PAX5: variants seen among roughly 807,000 people sequenced by gnomAD.
PAX5 encodes the protein paired box protein Pax-5.
A neutral mutation model predicts 43.7 loss-of-function variants in PAX5; 9 were observed. The ratio of observed to expected loss-of-function variants is 0.21; its 90% CI spans 0.12 to 0.36. The LOEUF (loss-of-function observed/expected upper bound fraction) is 0.36, where lower values mean the gene tolerates loss of function less well. Among genes scored for constraint, PAX5 ranks in the 10% least tolerant of loss-of-function variants. PAX5 has a pLI of 1.00. For missense variants in PAX5, 383 were observed against 532.7 expected, an observed-to-expected ratio of 0.72 and a Z score of 2.77; for synonymous variants, 228 against 214.3, an observed-to-expected ratio of 1.06 and a Z score of -0.56.
At chr9:36,906,325 G>A (rs1828820793) in intron 7 of PAX5, among the ~76,000 whole-genome samples, 1 of 152,186 alleles carries the variant, frequency 6.6e-6, no homozygotes, top group Non-Finnish European at 1.5e-5. Context: ...AGAAACAGGG[G>A]CAAGGGGGTC....
chr9:36,996,571 T>C (rs1283573240), intron 5 of PAX5, among the ~76,000 whole-genome samples: 1 of 152,164 alleles, frequency 6.6e-6, no homozygotes, highest in Non-Finnish European at 1.5e-5. Flanking sequence ...CTGAGAGGGC[T>C]CTCCCCACTT....
At chr9:37,026,754 C>G (rs1405719473) in intron 1 of PAX5, 2 of 982,330 alleles carry the variant, frequency 2.0e-6, no homozygotes, top group African/African-American at 3.5e-5. Context: ...CCCGGAGCTG[C>G]GCGGAGAGGC....
chr9:36,843,122 G>A (rs1420259111), intron 9 of PAX5, among the ~76,000 whole-genome samples: 3 of 151,766 alleles, frequency 2.0e-5, no homozygotes, highest in Non-Finnish European at 2.9e-5. Flanking sequence ...ATGAGTGTGA[G>A]CGTGCGTCTG....
intron 8 of PAX5, among the ~76,000 whole-genome samples, chr9:36,856,193 C>G (rs1282396716): frequency 6.6e-6 from 1 of 152,256 alleles, no homozygotes; most frequent in East Asian, 1.9e-4. Flanking sequence ...AGCAGATGTT[C>G]CTTGAGCCAG....
At chr9:36,959,034 C>A (rs1342168998) in intron 6 of PAX5, among the ~76,000 whole-genome samples, 4 of 152,190 alleles carry the variant, frequency 2.6e-5, no homozygotes, top group Admixed American at 2.6e-4. Flanking sequence ...CAGTCCCCAC[C>A]CCTTTGCTGC....
At chr9:36,901,884 G>A (rs1292823802) in intron 7 of PAX5, among the ~76,000 whole-genome samples, 1 of 152,174 alleles carries the variant, frequency 6.6e-6, no homozygotes, top group Non-Finnish European at 1.5e-5. Flanking sequence ...AAATCACTTA[G>A]TAAACTGTAG....
At chr9:36,933,999 C>T (rs564679280) in intron 6 of PAX5, among the ~76,000 whole-genome samples, 1 of 152,282 alleles carries the variant, frequency 6.6e-6, no homozygotes, top group East Asian at 1.9e-4. Context: ...GATATGGCCC[C>T]AGGAAGGGCT....
rs570811206 is a variant in PAX5, at chr9:36,977,526, T to C, written c.605-10802A>G. Among the ~76,000 whole-genome samples the C allele has an allele frequency of 2.0e-5, 3 of 152,094 alleles. No individual in the cohort carries two copies. The South Asian group carries it at 6.3e-4, about 32-fold the overall frequency. ...TTTTGTTTGTTTTTTTTGGGGTTTT[T>C]TTGTTTTGTTTTGTTTTTGTGAGAT... On this transcript the variant is annotated intron_variant, in intron 5 of 9. Coordinates refer to ENST00000358127, the MANE Select transcript of PAX5 (RefSeq NM_016734.3).
chr9:37,014,471 T>G (rs1417995076), intron 3 of PAX5, among the ~76,000 whole-genome samples: 1 of 152,156 alleles, frequency 6.6e-6, no homozygotes, highest in Non-Finnish European at 1.5e-5. Context: ...TTTGTCAAGG[T>G]CCCACTTTGA....
At chr9:36,866,728 A>C (rs1824923630) in intron 8 of PAX5, among the ~76,000 whole-genome samples, 1 of 152,132 alleles carries the variant, frequency 6.6e-6, no homozygotes, top group Non-Finnish European at 1.5e-5. Flanking sequence ...TCCCCCTCTG[A>C]CTTGCCATAT....
chr9:36,961,419 G>C (rs185523317), intron 6 of PAX5, among the ~76,000 whole-genome samples: 82 of 152,378 alleles, frequency 5.4e-4, no homozygotes, highest in Middle Eastern at 3.4e-3. Flanking sequence ...CCAATGGGAG[G>C]GAGGGCCCTG....
intron 6 of PAX5, among the ~76,000 whole-genome samples, chr9:36,958,023 G>A (rs925524999): frequency 1.3e-5 from 2 of 152,116 alleles, no homozygotes; most frequent in Non-Finnish European, 2.9e-5. Context: ...GCATCAAGTT[G>A]GAAAATCTAA....
rs762699989 is a variant in PAX5 at position 36,923,380 on chromosome 9, G to T, written c.885C>A (p.Gly295=). 54 of 1,612,882 alleles carry T rather than the reference G, an allele frequency of 3.3e-5. No individual in the cohort carries two copies. The highest frequency in any genetic ancestry group is 4.5e-5 in the Non-Finnish European group (53 of 1,179,978). ...TPADIGSSVP[G]PQSYPIVTGR... ...CTGTCACAATGGGGTAGGACTGCGG[G>T]CCTGGCACACTGCTCCCGATGTCAG... Residue 295 remains glycine, a synonymous_variant, in exon 7 of 10, where the codon GGC becomes GGA. Transcript: ENST00000358127.
At chr9:36,987,869 G>T (rs1836574049) in intron 5 of PAX5, among the ~76,000 whole-genome samples, 1 of 152,232 alleles carries the variant, frequency 6.6e-6, no homozygotes, top group Non-Finnish European at 1.5e-5. Flanking sequence ...AGGGAGGTAC[G>T]CAGGTTCTTA....
chr9:37,033,781 A>AAAACACAGAC, intron 1 of PAX5, among the ~76,000 whole-genome samples: 1 of 152,246 alleles, frequency 6.6e-6, no homozygotes, highest in Admixed American at 6.5e-5. Context: ...GAAACAGAGA[A>AAAACACAGAC]AAACACAGAC....
intron 6 of PAX5, among the ~76,000 whole-genome samples, chr9:36,950,542 C>T (rs1431129056): frequency 6.6e-6 from 1 of 152,120 alleles, no homozygotes; most frequent in Non-Finnish European, 1.5e-5. Flanking sequence ...ACAGAAGATT[C>T]CCAGCCCAAT....
At chr9:36,925,582 G>A (rs924457826) in intron 6 of PAX5, among the ~76,000 whole-genome samples, 3 of 152,288 alleles carry the variant, frequency 2.0e-5, no homozygotes, top group South Asian at 2.1e-4. Context: ...CAGAGCAGGG[G>A]TAACTGGTTA....
At chr9:36,926,040 T>C (rs1298069999) in intron 6 of PAX5, among the ~76,000 whole-genome samples, 2 of 152,188 alleles carry the variant, frequency 1.3e-5, no homozygotes, top group Non-Finnish European at 2.9e-5. Flanking sequence ...TCCCATTTAA[T>C]CCTCACAGTC....
rs188043668 is a variant in PAX5 at position 36,997,663 on chromosome 9, G to A, written c.604+4985C>T. 1.3e-4 allele frequency among the ~76,000 whole-genome samples: 20 copies of A among 152,304 alleles called. No homozygotes were observed. In the East Asian group the frequency reaches 3.9e-3, roughly 29 times the overall value. On this transcript the variant is annotated intron_variant, in intron 5 of 9. Transcript: ENST00000358127. ...TCCTGAGCCATGCCACAGCTTCCTC[G>A]ACGAAAGCTCTCAGTTCAAACCAAC...
Sources: allele counts gnomAD v4.1 joint callset (sites outside exome capture counted in the v4.1 genomes callset), GRCh38; gene constraint gnomAD v4.1.1; transcripts MANE v1.5; gene names NCBI Gene and HGNC (gene_info 2026-07-23, HGNC 2026-07-21).